The following RYR2 variants were observed in gnomAD, a reference collection of about 807,000 sequenced individuals.
RYR2 encodes ryanodine receptor 2.
In RYR2, 227 loss-of-function variants were observed where a neutral mutation model predicts 601.1. That is an observed-to-expected ratio of 0.38 (90% CI 0.34 to 0.42). RYR2 has a LOEUF of 0.42. Among genes scored for constraint, RYR2 ranks in the 10% least tolerant of loss-of-function variants. The pLI is 1.00. For missense variants in RYR2, 4,646 were observed against 6,156.5 expected, an observed-to-expected ratio of 0.75 and a Z score of 8.21; for synonymous variants, 2,223 against 2,175.1, an observed-to-expected ratio of 1.02 and a Z score of -0.61.
chr1:237,233,608 A>G (rs980799198), intron 1 of RYR2, among the ~76,000 whole-genome samples: 34 of 152,284 alleles, frequency 2.2e-4, no homozygotes, highest in Middle Eastern at 3.4e-3. Flanking sequence ...TAGCATATGC[A>G]TGTCAGTCAA....
intron 1 of RYR2, among the ~76,000 whole-genome samples, chr1:237,113,326 G>A (rs1236407974): frequency 6.6e-6 from 1 of 151,996 alleles, no homozygotes; most frequent in Non-Finnish European, 1.5e-5. Flanking sequence ...AGCCCCCTGA[G>A]TAGCTGGGAT....
intron 37 of RYR2, among the ~76,000 whole-genome samples, chr1:237,615,492 A>G (rs1030627788): frequency 6.6e-6 from 1 of 152,082 alleles, no homozygotes; most frequent in Non-Finnish European, 1.5e-5. Context: ...GCACCCAGCC[A>G]CCTTAGTATG....
At chr1:237,544,627 T>TA (rs1376348939) in intron 25 of RYR2, among the ~76,000 whole-genome samples, 1 of 152,234 alleles carries the variant, frequency 6.6e-6, no homozygotes, top group African/African-American at 2.4e-5. Context: ...CACAAGAAGA[T>TA]AATCATTCAT....
chr1:237,643,816 G>T (rs548988454), intron 48 of RYR2, among the ~76,000 whole-genome samples: 3 of 151,902 alleles, frequency 2.0e-5, no homozygotes, highest in African/African-American at 7.3e-5. Flanking sequence ...GGGTTTCACC[G>T]TGTTAGCCAG....
chr1:237,282,783 T>C (rs1176794739), intron 2 of RYR2, among the ~76,000 whole-genome samples: 1 of 152,134 alleles, frequency 6.6e-6, no homozygotes, highest in Non-Finnish European at 1.5e-5. Flanking sequence ...TATAGCTCAA[T>C]AGAGTGTGAT....
intron 1 of RYR2, among the ~76,000 whole-genome samples, chr1:237,157,655 A>G (rs1675550301): frequency 6.6e-6 from 1 of 152,206 alleles, no homozygotes; most frequent in African/African-American, 2.4e-5. Flanking sequence ...AATAACACAT[A>G]TTCTCATGCA....
chr1:237,437,947 A>C (rs547059722), intron 12 of RYR2, among the ~76,000 whole-genome samples: 2 of 152,272 alleles, frequency 1.3e-5, no homozygotes, highest in African/African-American at 2.4e-5. Flanking sequence ...ATAGGAATTA[A>C]ATTTTATATA....
chr1:237,829,727 C>T (rs563101000), intron 102 of RYR2, among the ~76,000 whole-genome samples: 90 of 152,216 alleles, frequency 5.9e-4, no homozygotes, highest in African/African-American at 2.1e-3. Context: ...TCCTAAAATA[C>T]AGGGTCTCAT....
At position 237,624,012 on chromosome 1, in the gene RYR2, A is replaced by G. The variant is rs567916407; in HGVS notation, c.6022+142A>G. The stretch of plus-strand genomic sequence containing the variant: ...AAGTTATATAAAAACATTTATTATT[A>G]TGGCAAAATGGCAAAATAACTGTCC... On this transcript the variant is annotated intron_variant, in intron 39 of 104. Coordinates refer to ENST00000366574, the MANE Select transcript of RYR2 (RefSeq NM_001035.3). 7.0e-4 allele frequency: 436 copies of G among 619,492 alleles called. 4 individuals carry two copies. In the South Asian group the frequency reaches 8.6e-3, roughly 12 times the overall value. 38.4% of individuals were successfully genotyped at this position (619,492 alleles called of 1,614,324 possible). A position where few individuals can be genotyped will look rare whatever the true frequency, so the allele number is the denominator to read the frequency against.
intron 35 of RYR2, among the ~76,000 whole-genome samples, chr1:237,607,482 C>A (rs930305263): frequency 5.9e-5 from 9 of 151,878 alleles, no homozygotes; most frequent in African/African-American, 2.2e-4. Flanking sequence ...GTAAATGACG[C>A]GTTAATGGGT....
At chr1:237,127,228 C>T (rs929752539) in intron 1 of RYR2, among the ~76,000 whole-genome samples, 30 of 152,136 alleles carry the variant, frequency 2.0e-4, no homozygotes, top group African/African-American at 6.0e-4. Context: ...CAATCTTTTC[C>T]CCACCTTTCC....
chr1:237,645,062 G>A (rs1322296019), intron 48 of RYR2, among the ~76,000 whole-genome samples: 1 of 152,006 alleles, frequency 6.6e-6, no homozygotes. Context: ...ACATAATTAG[G>A]CAGGAAGTGC....
At position 237,791,511 on chromosome 1, in the gene RYR2, A is replaced by G; in HGVS notation, c.13559A>G (p.Tyr4520Cys). The G allele has an allele frequency of 1.4e-6, 2 of 1,472,500 alleles. No individual in the cohort carries two copies. The highest frequency in any genetic ancestry group is 1.9e-6 in the Non-Finnish European group (2 of 1,067,858). The allele number at this position is 1,472,500 out of a possible 1,614,324, so 91.2% of individuals were successfully genotyped here. The change falls in exon 93 of 105, where the codon TAT becomes TGT. Residue 4520 changes from tyrosine (Y) to cysteine (C), a missense_variant. Around this residue, in one of 17 missense-constraint regions of RYR2, gnomAD observed 364 missense variants for 442.9 expected, o/e 0.82. Coordinates refer to ENST00000366574, the MANE Select transcript of RYR2 (RefSeq NM_001035.3). The part of the protein sequence containing the change: ...AFAINFILLF[Y>C]KVSTSSVVEG... ...GCTATCAATTTCATCTTGCTCTTTTATAAGGTACGTACATCTCACTGTTTT... is the reference window on the plus strand; with the variant it reads ...GCTATCAATTTCATCTTGCTCTTTTGTAAGGTACGTACATCTCACTGTTTT...
chr1:237,641,308 C>G (rs1681447695), intron 47 of RYR2, among the ~76,000 whole-genome samples: 1 of 152,128 alleles, frequency 6.6e-6, no homozygotes, highest in South Asian at 2.1e-4. Context: ...GCAATTTCCT[C>G]TTATGTTACA....
rs568674350 is a variant in RYR2, at chr1:237,357,706, C to T, written c.294+1721C>T. On this transcript the variant is annotated intron_variant, in intron 4 of 104. Coordinates refer to ENST00000366574, the MANE Select transcript of RYR2 (RefSeq NM_001035.3). Reference sequence around the variant, plus strand: ...GGAAATATCTCTGATATTTTCTGAGCTAAAAACCTTGAGGCTTAGTTTGCC... The same window carrying T: ...GGAAATATCTCTGATATTTTCTGAGTTAAAAACCTTGAGGCTTAGTTTGCC... 7.2e-5 allele frequency among the ~76,000 whole-genome samples: 11 copies of T among 152,192 alleles called. No homozygotes were observed. The Middle Eastern group carries it at 0.014, about 188-fold the overall frequency.
intron 29 of RYR2, among the ~76,000 whole-genome samples, chr1:237,577,881 C>T (rs750439453): frequency 5.9e-4 from 90 of 152,204 alleles, no homozygotes; most frequent in Non-Finnish European, 8.1e-4. Flanking sequence ...CAGCTCACTG[C>T]AACCTCTACC....
intron 1 of RYR2, among the ~76,000 whole-genome samples, chr1:237,233,051 AT>A (rs1685164144): frequency 6.6e-6 from 1 of 152,204 alleles, no homozygotes; most frequent in Non-Finnish European, 1.5e-5. Flanking sequence ...CATAAATGAT[AT>A]TTTTATCAGC....
chr1:237,610,778 C>T lies in RYR2; in HGVS notation c.4700C>T (p.Ser1567Leu), dbSNP rs772008541. 3.1e-6 allele frequency: 5 copies of T among 1,605,008 alleles called. No individual in the cohort carries two copies. Among genetic ancestry groups the T allele is most frequent in the Non-Finnish European group, 4.3e-6 (5 of 1,176,128 alleles). Residue 1567 changes from serine to leucine, a missense_variant, in exon 36 of 105, where the codon TCG becomes TTG. Ser to Leu is a moderately radical substitution (Grantham distance 145, BLOSUM62 -2). Around this residue, in one of 17 missense-constraint regions of RYR2, gnomAD observed 1,807 missense variants for 2,088.1 expected, o/e 0.87. Transcript: ENST00000366574. The surrounding 1 kb of genome is among the most constrained non-coding windows in gnomAD (Gnocchi z 4.9). Reference protein sequence around the residue: ...LGRIKNVMPLSAGLFKSEHKN... With the variant: ...LGRIKNVMPLLAGLFKSEHKN... ...ATCCGCTAGAATGTGATGCCTCTCT[C>T]GGCGGGATTATTCAAGAGTGAGCAC...
intron 48 of RYR2, among the ~76,000 whole-genome samples, 194 bp from the exon 49 acceptor site, chr1:237,648,250 A>T (rs190360096): frequency 3.2e-4 from 49 of 152,354 alleles, no homozygotes; most frequent in Middle Eastern, 6.8e-3. Context: ...TATAACAGTT[A>T]AATGACCTTG....
Sources: gnomAD v4.1 joint callset for allele counts (sites outside exome capture counted in the v4.1 genomes callset) on GRCh38, gnomAD v4.1.1 for gene constraint, gnomAD v4.1.1 regional missense constraint, Gnocchi (gnomAD v3.1) non-coding constraint, MANE v1.5 for transcripts, NCBI Gene and HGNC (gene_info 2026-07-23, HGNC 2026-07-21) for gene names.